Variants in COL11A1 observed in about 807,000 individuals in gnomAD.
The protein encoded by COL11A1 is collagen type XI alpha 1 chain.
A neutral mutation model predicts 265.2 loss-of-function variants in COL11A1; 74 were observed. That is an observed-to-expected ratio of 0.28 (90% CI 0.23 to 0.34). COL11A1 has a LOEUF of 0.34. Among genes scored for constraint, COL11A1 ranks in the 10% least tolerant of loss-of-function variants. The probability of loss-of-function intolerance (pLI) is 1.00; values close to 1 mark genes in which losing one functional copy is unlikely to be tolerated. For missense variants in COL11A1, 2,165 were observed against 2,263.6 expected, an observed-to-expected ratio of 0.96 and a Z score of 0.88; for synonymous variants, 816 against 727.6, an observed-to-expected ratio of 1.12 and a Z score of -1.96.
At chr1:102,932,303 C>G (rs2101176436) in intron 46 of COL11A1, among the ~76,000 whole-genome samples, 1 of 152,080 alleles carries the variant, frequency 6.6e-6, no homozygotes, top group East Asian at 1.9e-4. Context: ...GACAAAATCT[C>G]TCAGCATTTG....
intron 5 of COL11A1, among the ~76,000 whole-genome samples, chr1:103,027,171 GAT>G (rs899424278): frequency 9.3e-5 from 14 of 150,932 alleles, no homozygotes; most frequent in African/African-American, 3.4e-4. Context: ...ATTAAGGAGA[GAT>G]ATGTTTCTTA....
chr1:103,108,478 C>G lies in COL11A1; in HGVS notation c.-300G>C. ...AAGGCAGATGAGGGGCTTCCACCAACAAGCTGAGAGTACTGTGTGCCCCTA... is the reference window on the plus strand; with the variant it reads ...AAGGCAGATGAGGGGCTTCCACCAAGAAGCTGAGAGTACTGTGTGCCCCTA... On this transcript the variant is annotated 5_prime_UTR_variant, in exon 1 of 67. Transcript: ENST00000370096. 1 of 595,638 alleles carries G rather than the reference C, an allele frequency of 1.7e-6. No individual in the cohort carries two copies. The highest frequency in any genetic ancestry group is 3.0e-6 in the Non-Finnish European group (1 of 335,368). 36.9% of individuals were successfully genotyped at this position (595,638 alleles called of 1,614,324 possible). A position where few individuals can be genotyped will look rare whatever the true frequency, so the allele number is the denominator to read the frequency against.
intron 46 of COL11A1, among the ~76,000 whole-genome samples, chr1:102,929,994 G>GAT (rs1157844194): frequency 6.6e-6 from 1 of 152,114 alleles, no homozygotes; most frequent in African/African-American, 2.4e-5. Context: ...ATTTTGGGCT[G>GAT]AGACAATGGG....
At chr1:103,019,588 C>T (rs933966141) in intron 9 of COL11A1, among the ~76,000 whole-genome samples, 1 of 78,184 alleles carries the variant, frequency 1.3e-5, no homozygotes, top group African/African-American at 3.0e-5. Flanking sequence ...TCTTTTTATT[C>T]CTTTTTTTTA....
At chr1:103,103,150 T>C (rs1204338873) in intron 1 of COL11A1, among the ~76,000 whole-genome samples, 3 of 151,972 alleles carry the variant, frequency 2.0e-5, no homozygotes, top group African/African-American at 7.2e-5. Context: ...CCTATTTTTT[T>C]CTTCAGTTTG....
chr1:103,030,662 C>T (rs896158152), intron 5 of COL11A1, among the ~76,000 whole-genome samples: 1 of 151,460 alleles, frequency 6.6e-6, no homozygotes, highest in African/African-American at 2.4e-5. Flanking sequence ...TTTTAAAAAC[C>T]CTCTAATTGT....
chr1:102,912,109 C>T (rs1293176355), intron 54 of COL11A1, 50 bp downstream of exon 54: 2 of 1,406,228 alleles, frequency 1.4e-6, no homozygotes, highest in East Asian at 2.4e-5. Context: ...TAAATTTATC[C>T]ATGGTGACTA....
chr1:102,920,745 T>C (rs953230956), intron 48 of COL11A1, among the ~76,000 whole-genome samples: 1 of 152,168 alleles, frequency 6.6e-6, no homozygotes, highest in Non-Finnish European at 1.5e-5. Flanking sequence ...AACAAACCCC[T>C]TATAACATCT....
chr1:102,901,883 G>C (rs891285864), intron 54 of COL11A1, among the ~76,000 whole-genome samples: 2 of 152,052 alleles, frequency 1.3e-5, no homozygotes, highest in African/African-American at 4.8e-5. Flanking sequence ...AATGTGCTAT[G>C]CATATACATA....
intron 4 of COL11A1, among the ~76,000 whole-genome samples, chr1:103,044,171 T>TC (rs1669059557): frequency 1.3e-5 from 2 of 151,954 alleles, no homozygotes; most frequent in African/African-American, 4.8e-5. Context: ...ACCAGTTTTT[T>TC]TTTTTTTCAA....
intron 53 of COL11A1, among the ~76,000 whole-genome samples, chr1:102,912,633 A>G (rs371744313): frequency 5.4e-4 from 82 of 152,312 alleles, no homozygotes; most frequent in African/African-American, 1.9e-3. Flanking sequence ...CAAGTTGTAT[A>G]TAACATACTG....
intron 46 of COL11A1, among the ~76,000 whole-genome samples, chr1:102,928,728 C>T (rs1374713740): frequency 1.4e-5 from 2 of 144,030 alleles, no homozygotes; most frequent in African/African-American, 2.6e-5. Context: ...AAAAGTGTTC[C>T]TATTTCTCCA....
At chr1:103,014,460 C>T (rs1314663384) in intron 13 of COL11A1, 51 bp downstream of exon 13, 1 of 1,426,952 alleles carries the variant, frequency 7.0e-7, no homozygotes, top group Non-Finnish European at 9.9e-7. Flanking sequence ...CACATATATA[C>T]TTGATACAGA....
At chr1:103,010,086 A>C (rs1375553391) in intron 14 of COL11A1, among the ~76,000 whole-genome samples, 1 of 152,158 alleles carries the variant, frequency 6.6e-6, no homozygotes, top group Non-Finnish European at 1.5e-5. Context: ...TGACTATAAA[A>C]TAATAGGGAA....
chr1:103,079,646 G>T (rs1043591510), intron 2 of COL11A1, among the ~76,000 whole-genome samples: 3 of 151,882 alleles, frequency 2.0e-5, no homozygotes, highest in Non-Finnish European at 4.4e-5. Context: ...TAAGTTGCGG[G>T]TTTTATTTTT....
intron 4 of COL11A1, among the ~76,000 whole-genome samples, chr1:103,070,716 T>C (rs1277594380): frequency 1.3e-5 from 2 of 151,878 alleles, no homozygotes; most frequent in Non-Finnish European, 2.9e-5. Flanking sequence ...TGTAACTCAA[T>C]AAATTTAGAA....
At chr1:102,941,234 C>T (rs910718559) in intron 42 of COL11A1, among the ~76,000 whole-genome samples, 1 of 152,170 alleles carries the variant, frequency 6.6e-6, no homozygotes, top group African/African-American at 2.4e-5. Flanking sequence ...TCCTAATTAT[C>T]TCTTGAATAT....
At chr1:103,058,856 C>G (rs1394340593) in intron 4 of COL11A1, among the ~76,000 whole-genome samples, 4 of 152,238 alleles carry the variant, frequency 2.6e-5, no homozygotes, top group South Asian at 4.1e-4. Context: ...ATTCTCATGA[C>G]ATTTCAAATC....
chr1:103,002,519 T>C, intron 22 of COL11A1, 38 bp from the exon 23 acceptor site: 1 of 1,517,202 alleles, frequency 6.6e-7, no homozygotes, highest in Non-Finnish European at 9.0e-7. Context: ...TAATGGGCTA[T>C]ATTACACAAT....
Sources: gnomAD v4.1 joint callset for allele counts (sites outside exome capture counted in the v4.1 genomes callset) on GRCh38, gnomAD v4.1.1 for gene constraint, MANE v1.5 for transcripts, NCBI Gene and HGNC (gene_info 2026-07-23, HGNC 2026-07-21) for gene names.